Variants in CLYBL observed in about 807,000 individuals in gnomAD.
CLYBL encodes the protein citramalyl-CoA lyase, mitochondrial.
In CLYBL, 31 loss-of-function variants were observed where a neutral mutation model predicts 38.9. That is an observed-to-expected ratio of 0.80 (90% CI 0.60 to 1.08). The LOEUF is 1.08. Ranked by LOEUF, CLYBL falls within the 50% of genes least tolerant of loss-of-function variation. The pLI is 0.00. For missense variants in CLYBL, 434 were observed against 411.6 expected, an observed-to-expected ratio of 1.05 and a Z score of -0.47; for synonymous variants, 171 against 158.6, an observed-to-expected ratio of 1.08 and a Z score of -0.59.
At chr13:99,667,688 A>G (rs2047503527) in intron 1 of CLYBL, among the ~76,000 whole-genome samples, 1 of 152,192 alleles carries the variant, frequency 6.6e-6, no homozygotes, top group Non-Finnish European at 1.5e-5. Flanking sequence ...GATATTATCT[A>G]AAAAACAAAT....
chr13:99,647,633 C>T (rs964043524), intron 1 of CLYBL, among the ~76,000 whole-genome samples: 7 of 152,062 alleles, frequency 4.6e-5, no homozygotes, highest in African/African-American at 1.4e-4. Flanking sequence ...GGATAACAGC[C>T]GTCAATTTTT....
intron 1 of CLYBL, among the ~76,000 whole-genome samples, chr13:99,674,812 T>A (rs1217909626): frequency 6.6e-6 from 1 of 151,858 alleles, no homozygotes; most frequent in Non-Finnish European, 1.5e-5. Context: ...GTACAGCAAG[T>A]TGGGAGGGGG....
At chr13:99,694,810 G>C (rs75652823) in intron 1 of CLYBL, among the ~76,000 whole-genome samples, 2 of 152,302 alleles carry the variant, frequency 1.3e-5, no homozygotes, top group East Asian at 1.9e-4. Flanking sequence ...GGGTAGTTCT[G>C]TTTCAGACCT....
chr13:99,649,199 C>T (rs1313337885), intron 1 of CLYBL, among the ~76,000 whole-genome samples: 1 of 152,138 alleles, frequency 6.6e-6, no homozygotes, highest in Non-Finnish European at 1.5e-5. Flanking sequence ...TTTCTGGGCA[C>T]TAAACAGTGG....
intron 2 of CLYBL, among the ~76,000 whole-genome samples, chr13:99,851,487 A>G (rs537318016): frequency 5.9e-5 from 9 of 152,040 alleles, no homozygotes. Context: ...TTTGTTTTAT[A>G]TATATATTGC....
At chr13:99,732,250 C>T (rs943153154) in intron 1 of CLYBL, among the ~76,000 whole-genome samples, 5 of 144,478 alleles carry the variant, frequency 3.5e-5, no homozygotes, top group Admixed American at 7.2e-5. Context: ...GGCACAAACA[C>T]GATTCACTGC....
At chr13:99,867,089 AT>A (rs753014037) in intron 6 of CLYBL, among the ~76,000 whole-genome samples, 6 of 151,990 alleles carry the variant, frequency 3.9e-5, no homozygotes, top group Non-Finnish European at 7.4e-5. Context: ...ACAGAGATCT[AT>A]TTTTCGAAAA....
At chr13:99,661,825 A>C (rs554920908) in intron 1 of CLYBL, among the ~76,000 whole-genome samples, 1 of 152,324 alleles carries the variant, frequency 6.6e-6, no homozygotes, top group Non-Finnish European at 1.5e-5. Context: ...ATGTGTTAAC[A>C]GTCTTATTAA....
intron 1 of CLYBL, among the ~76,000 whole-genome samples, chr13:99,663,085 TTGCCAAGGAATA>T (rs2047432523): frequency 6.6e-6 from 1 of 152,182 alleles, no homozygotes; most frequent in Non-Finnish European, 1.5e-5. Context: ...ATATGATCAT[TTGCCAAGGAATA>T]TGCTGTGATG....
At chr13:99,723,428 T>C (rs555788588) in intron 1 of CLYBL, among the ~76,000 whole-genome samples, 10 of 152,372 alleles carry the variant, frequency 6.6e-5, no homozygotes, top group Admixed American at 2.0e-4. Flanking sequence ...TTCTTTTATA[T>C]TAAATGTTTA....
intron 1 of CLYBL, among the ~76,000 whole-genome samples, chr13:99,705,953 C>T (rs2048140433): frequency 6.7e-6 from 1 of 148,978 alleles, no homozygotes; most frequent in South Asian, 2.1e-4. Context: ...GTTTTAAAGA[C>T]AGAGTTTTCC....
downstream of CLYBL, among the ~76,000 whole-genome samples, chr13:99,900,506 A>G (rs2052630182): frequency 6.6e-6 from 1 of 152,130 alleles, no homozygotes; most frequent in Non-Finnish European, 1.5e-5. Context: ...CTGGAGGATT[A>G]TGCAGTACCA....
At chr13:99,901,078 G>C (rs932457023), downstream of CLYBL, among the ~76,000 whole-genome samples, 12 of 152,186 alleles carry the variant, frequency 7.9e-5, no homozygotes, top group Non-Finnish European at 1.6e-4. Flanking sequence ...TTGTCTGAGG[G>C]AAGAAGGCCC....
At chr13:99,742,324 A>G (rs1270998322) in intron 1 of CLYBL, among the ~76,000 whole-genome samples, 1 of 152,246 alleles carries the variant, frequency 6.6e-6, no homozygotes, top group Admixed American at 6.5e-5. Context: ...ATAAATAAGC[A>G]GGAAGCCTTC....
chr13:99,896,401 C>T (rs1467213255), downstream of CLYBL: 2 of 152,238 alleles, frequency 1.3e-5, no homozygotes, highest in African/African-American at 4.8e-5. Context: ...CCCCGCGCAC[C>T]CTGCGCGCAG....
Position 99,608,061 on chromosome 13 carries a change from CTTTTT to C in CLYBL, c.62+1325_62+1329del, listed in dbSNP as rs56149363. Among the ~76,000 whole-genome samples the C allele has an allele frequency of 4.0e-5, 3 of 75,022 alleles. No individual in the cohort carries two copies. The Admixed American group carries it at 5.3e-4, about 13-fold the overall frequency. 49.2% of individuals were successfully genotyped at this position (75,022 alleles called of 152,430 possible). ...TGGCCGGCCTGGTGGTCTGGAACTT[CTTTTT>C]TTTTTTTTTTTTTTTTTTTTCCGAG... On this transcript the variant is annotated intron_variant, in intron 1 of 8. Transcript: ENST00000339105.
chr13:99,765,844 C>G (rs956072891), intron 1 of CLYBL, among the ~76,000 whole-genome samples: 1 of 146,930 alleles, frequency 6.8e-6, no homozygotes, highest in East Asian at 2.0e-4. Flanking sequence ...TGCACCAAGT[C>G]GAGTCTTTTT....
intron 1 of CLYBL, among the ~76,000 whole-genome samples, chr13:99,639,311 A>G (rs1349013861): frequency 6.6e-6 from 1 of 152,166 alleles, no homozygotes; most frequent in Non-Finnish European, 1.5e-5. Flanking sequence ...ATGCCCACAC[A>G]ATGTGTGTAT....
chr13:99,655,098 C>T (rs975071738), intron 1 of CLYBL, among the ~76,000 whole-genome samples: 10 of 147,380 alleles, frequency 6.8e-5, no homozygotes, highest in African/African-American at 7.6e-5. Context: ...TTTTTTTAGA[C>T]GGAGTCTTGC....
Sources: allele counts gnomAD v4.1 joint callset (sites outside exome capture counted in the v4.1 genomes callset), GRCh38; gene constraint gnomAD v4.1.1; transcripts MANE v1.5; gene names NCBI Gene and HGNC (gene_info 2026-07-23, HGNC 2026-07-21).